The following IRAK1BP1 variants were observed in gnomAD, a reference collection of about 807,000 sequenced individuals.
IRAK1BP1 encodes the protein interleukin-1 receptor-associated kinase 1-binding protein 1.
In IRAK1BP1, 24 loss-of-function variants were observed where a neutral mutation model predicts 28.0. That is an observed-to-expected ratio of 0.86 (90% CI 0.62 to 1.20). IRAK1BP1 has a LOEUF of 1.20. IRAK1BP1 is among the 50% of genes most tolerant of loss of function. The probability of loss-of-function intolerance (pLI) is 0.00; values close to 1 mark genes in which losing one functional copy is unlikely to be tolerated. For synonymous variants in IRAK1BP1, 131 were observed against 116.3 expected, an observed-to-expected ratio of 1.13 and a Z score of -0.81; for missense variants, 336 against 316.7, an observed-to-expected ratio of 1.06 and a Z score of -0.46.
At chr6:78,958,394 A>C in the IRAK1BP1 span, 11 of 907,698 alleles carry the variant, frequency 1.2e-5, no homozygotes, top group South Asian at 1.6e-5. Flanking sequence ...CTTTACAAAC[A>C]GTATGTTTTC....
downstream of IRAK1BP1, among the ~76,000 whole-genome samples, chr6:78,903,309 C>A (rs1320011158): frequency 2.0e-5 from 3 of 151,894 alleles, no homozygotes; most frequent in Admixed American, 6.6e-5. Context: ...ATGGCAAAAC[C>A]CCGTCTCTAC....
At chr6:78,888,288 G>A (rs1771501969) in intron 2 of IRAK1BP1, among the ~76,000 whole-genome samples, 1 of 152,172 alleles carries the variant, frequency 6.6e-6, no homozygotes, top group Non-Finnish European at 1.5e-5. Flanking sequence ...AGTGCCTACA[G>A]TTAACACAGT....
intron 4 of IRAK1BP1, chr6:78,935,325 T>C (rs1486246953): frequency 2.6e-5 from 4 of 156,848 alleles, no homozygotes; most frequent in African/African-American, 7.2e-5. Context: ...ATTTGAAATG[T>C]TATGGCCTTA....
intron 1 of IRAK1BP1, among the ~76,000 whole-genome samples, chr6:78,881,395 C>T (rs999350069): frequency 1.5e-4 from 23 of 152,002 alleles, no homozygotes; most frequent in African/African-American, 4.1e-4. Context: ...AAGAGATGCA[C>T]GGAGAAATTT....
chr6:78,870,720 T>C (rs1330473570), intron 1 of IRAK1BP1, among the ~76,000 whole-genome samples: 1 of 152,082 alleles, frequency 6.6e-6, no homozygotes, highest in Non-Finnish European at 1.5e-5. Flanking sequence ...TGGTTTTTGT[T>C]TTTTTTTGAG....
intron 1 of IRAK1BP1, among the ~76,000 whole-genome samples, chr6:78,873,512 C>T (rs992716877): frequency 6.6e-6 from 1 of 151,662 alleles, no homozygotes; most frequent in Non-Finnish European, 1.5e-5. Flanking sequence ...GGGTCTCATT[C>T]TGTTGCCCAG....
chr6:78,939,516 T>C (rs1343261503), intron 4 of IRAK1BP1: 1 of 151,916 alleles, frequency 6.6e-6, no homozygotes, highest in Non-Finnish European at 1.5e-5. Flanking sequence ...TAAAATTATT[T>C]TTATTCTACT....
intron 4 of IRAK1BP1, among the ~76,000 whole-genome samples, chr6:78,912,133 A>G (rs954920329): frequency 2.6e-5 from 4 of 152,180 alleles, no homozygotes; most frequent in Admixed American, 2.0e-4. Context: ...TTTTTTCACC[A>G]TTATAGCTTT....
chr6:78,971,898 T>C, the IRAK1BP1 span, among the ~76,000 whole-genome samples: 1 of 152,268 alleles, frequency 6.6e-6, no homozygotes. Flanking sequence ...GTCTCGCTGA[T>C]TGCTAGCACA....
At chr6:78,947,148 T>C (rs985757693), downstream of IRAK1BP1, among the ~76,000 whole-genome samples, 18 of 152,198 alleles carry the variant, frequency 1.2e-4, no homozygotes, top group Non-Finnish European at 1.9e-4. Flanking sequence ...ACAAAACTTA[T>C]TGTCAACTTT....
Position 78,899,978 on chromosome 6 carries a change from A to G in IRAK1BP1, c.*1644A>G, listed in dbSNP as rs1772037251. 6.6e-6 allele frequency: 1 copy of G among 152,194 alleles called. No individual in the cohort carries two copies. The allele number at this position is 152,194 out of a possible 1,614,324, so 9.4% of individuals were successfully genotyped here. On this transcript the variant is annotated 3_prime_UTR_variant, in exon 4 of 4. Coordinates refer to ENST00000369940, the MANE Select transcript of IRAK1BP1 (RefSeq NM_001010844.4). ...TATTTTATCTGTATTTAAATTTCCTAAAATGTACAGTTGAAAAAAAGAGAT... is the reference window on the plus strand; with the variant it reads ...TATTTTATCTGTATTTAAATTTCCTGAAATGTACAGTTGAAAAAAAGAGAT...
rs367968765 is a variant in IRAK1BP1 at position 78,885,397 on chromosome 6, C to A, written c.335C>A (p.Thr112Lys). ...QGVQAENITV[T>K]KDFRRVENAY... Reference sequence around the variant, plus strand: ...TTTCAGGCAGAAAATATAACTGTGACAAAGGATTTTAGGAGAGTGGAAAAT... The same window carrying A: ...TTTCAGGCAGAAAATATAACTGTGAAAAAGGATTTTAGGAGAGTGGAAAAT... The change falls in exon 2 of 4, where the codon ACA (threonine) becomes AAA (lysine). Residue 112 changes from threonine (T) to lysine (K), a missense_variant. Thr to Lys is a moderately conservative substitution (Grantham distance 78). Coordinates refer to ENST00000369940, the MANE Select transcript of IRAK1BP1 (RefSeq NM_001010844.4). 33 of 1,582,954 alleles carry A rather than the reference C, an allele frequency of 2.1e-5. No individual in the cohort carries two copies. The African/African-American group carries it at 3.5e-4, about 17-fold the overall frequency.
At chr6:78,938,440 T>C (rs1773352018) in intron 4 of IRAK1BP1, 1 of 151,018 alleles carries the variant, frequency 6.6e-6, no homozygotes, top group Non-Finnish European at 1.5e-5. Context: ...AAACTGTACA[T>C]TTTTTTTACA....
At chr6:78,949,296 A>G (rs1205413432), downstream of IRAK1BP1, among the ~76,000 whole-genome samples, 2 of 152,148 alleles carry the variant, frequency 1.3e-5, no homozygotes, top group Non-Finnish European at 2.9e-5. Context: ...CAGACCTGGG[A>G]AAAGATTGCC....
intron 2 of IRAK1BP1, among the ~76,000 whole-genome samples, chr6:78,893,417 T>C (rs1020207426): frequency 6.7e-5 from 10 of 149,756 alleles, no homozygotes; most frequent in African/African-American, 2.2e-4. Context: ...ATTAAAGACC[T>C]TTCCAGTAAG....
intron 1 of IRAK1BP1, among the ~76,000 whole-genome samples, chr6:78,882,394 A>T (rs1329306383): frequency 6.6e-6 from 1 of 152,164 alleles, no homozygotes; most frequent in African/African-American, 2.4e-5. Flanking sequence ...CCAATTAATA[A>T]AGTATGGAAA....
At chr6:78,957,035 A>G in the IRAK1BP1 span, 1 of 152,088 alleles carries the variant, frequency 6.6e-6, no homozygotes, top group African/African-American at 2.4e-5. Flanking sequence ...TCTGCTAAAA[A>G]AAGTATTTTT....
At chr6:78,955,898 C>A in the IRAK1BP1 span, 3 of 292,880 alleles carry the variant, frequency 1.0e-5, no homozygotes, top group Admixed American at 1.0e-4. Flanking sequence ...TATCATTACA[C>A]CAAACCCAAG....
At chr6:78,881,315 A>C (rs1771219058) in intron 1 of IRAK1BP1, among the ~76,000 whole-genome samples, 1 of 152,204 alleles carries the variant, frequency 6.6e-6, no homozygotes, top group African/African-American at 2.4e-5. Flanking sequence ...TTCTGGAGAA[A>C]AGCAAAACTA....
Sources: allele counts gnomAD v4.1 joint callset (sites outside exome capture counted in the v4.1 genomes callset), GRCh38; gene constraint gnomAD v4.1.1; transcripts MANE v1.5; gene names NCBI Gene and HGNC (gene_info 2026-07-23, HGNC 2026-07-21).